The following DOK2 variants were observed in gnomAD, a reference collection of about 807,000 sequenced individuals.
DOK2 encodes docking protein 2, also known as docking protein 2, 56kD.
Under a neutral mutation model 26.0 loss-of-function variants are expected in DOK2, and 28 were observed. The ratio of observed to expected loss-of-function variants is 1.08; its 90% CI spans 0.80 to 1.48. DOK2 has a LOEUF of 1.48. Ranked by LOEUF, DOK2 falls within the 40% of genes most tolerant of loss-of-function variation. The pLI, the probability that DOK2 is intolerant of heterozygous loss-of-function variation, is 0.00. For synonymous variants in DOK2, 282 were observed against 236.9 expected (o/e 1.19, Z -1.75); for missense variants, 682 against 558.2 (o/e 1.22, Z -2.23).
At chr8:21,910,387 C>T (rs1424016922) in intron 4 of DOK2, among the ~76,000 whole-genome samples, 1 of 152,154 alleles carries the variant, frequency 6.6e-6, no homozygotes. Context: ...CCCCTACAGG[C>T]AGAGACTTGG....
In DOK2 at chr8:21,912,656, C is replaced by T. The variant is rs2117208970; in HGVS notation, c.64-146G>A. The T allele has an allele frequency of 6.6e-6, 5 of 755,242 alleles. No individual in the cohort carries two copies. The East Asian group carries it at 1.4e-4, about 21-fold the overall frequency. 46.8% of individuals were successfully genotyped at this position (755,242 alleles called of 1,614,324 possible). Reference sequence around the variant, plus strand: ...AGAGAGAGGTGAAGATCACATGAGACCCAGGGAGGCAGAGAAGAGGACAGT... The same window carrying T: ...AGAGAGAGGTGAAGATCACATGAGATCCAGGGAGGCAGAGAAGAGGACAGT... On this transcript the variant is annotated intron_variant, in intron 1 of 4. Transcript: ENST00000276420.
chr8:21,912,686 G>A lies in DOK2; in HGVS notation c.64-176C>T, dbSNP rs1243257037. On this transcript the variant is annotated intron_variant, in intron 1 of 4. Transcript: ENST00000276420. ...GGAGGCAGAGAAGAGGACAGTGACT[G>A]CAGGAATTAGAAAATCGGAGATCAG... 14 of 633,708 alleles carry A rather than the reference G, an allele frequency of 2.2e-5. No homozygotes were observed. The Admixed American group carries it at 4.6e-4, about 21-fold the overall frequency. 39.3% of individuals were successfully genotyped at this position (633,708 alleles called of 1,614,324 possible).
chr8:21,910,737 G>T lies in DOK2; in HGVS notation c.554C>A (p.Pro185His). The T allele has an allele frequency of 6.2e-7, 1 of 1,613,940 alleles. No individual in the cohort carries two copies. Among genetic ancestry groups the T allele is most frequent in the Non-Finnish European group, 8.5e-7 (1 of 1,180,002 alleles). The change falls in exon 4 of 5, where the codon CCC (proline) becomes CAC (histidine). Residue 185 changes from proline (P) to histidine (H), a missense_variant. Coordinates refer to ENST00000276420, the MANE Select transcript of DOK2 (RefSeq NM_003974.4). ...GTCGTACAGCTGGGTCCCTGGCTCG[G>T]GCCCACCCCACAGCTCCAGGGCACT... ...GESALELWGG[P>H]EPGTQLYDWP... is the part of the protein sequence containing the mutation.
Position 21,909,362 on chromosome 8 carries a change from C to T in DOK2, c.1188G>A (p.Trp396Ter), listed in dbSNP as rs1585395201. 6.4e-7 allele frequency: 1 copy of T among 1,574,450 alleles called. No homozygotes were observed. Among genetic ancestry groups the T allele is most frequent in the Non-Finnish European group, 8.6e-7 (1 of 1,159,896 alleles). ...PAGQDFSASG[W>*]QPGTEYDNVV... ...CATTGTCATACTCAGTTCCTGGCTG[C>T]CAGCCAGAAGCAGAGAAATCCTGCC... The change falls in exon 5 of 5, where the codon TGG (tryptophan) becomes TGA (stop). Residue 396 changes from tryptophan to a stop codon, truncating the protein, a stop_gained. Coordinates refer to ENST00000276420, the MANE Select transcript of DOK2 (RefSeq NM_003974.4). LOFTEE classifies it high-confidence loss of function.
In DOK2 at chr8:21,909,642, A is replaced by G; in HGVS notation, c.908T>C (p.Phe303Ser). 1 of 1,613,272 alleles carries G rather than the reference A, an allele frequency of 6.2e-7. No individual in the cohort carries two copies. Among genetic ancestry groups the G allele is most frequent in the Non-Finnish European group, 8.5e-7 (1 of 1,180,030 alleles). Residue 303 changes from phenylalanine (F) to serine (S), a missense_variant, in exon 5 of 5, where the codon TTC (phenylalanine) becomes TCC (serine). Transcript: ENST00000276420. ...CCCCAAGGAACGGGCCACCGCATCG[A>G]AGGGCACGGCATACTCCCCCTCCTG... ...RGQEGEYAVP[F>S]DAVARSLGKN...
At chr8:21,913,305 C>A (rs568373345) in intron 1 of DOK2, among the ~76,000 whole-genome samples, 1 of 152,206 alleles carries the variant, frequency 6.6e-6, no homozygotes, top group Non-Finnish European at 1.5e-5. Flanking sequence ...CCCCCACCCC[C>A]ACCCAGGGCA....
intron 4 of DOK2, among the ~76,000 whole-genome samples, chr8:21,910,371 T>C (rs1809791325): frequency 6.6e-6 from 1 of 152,140 alleles, no homozygotes; most frequent in Non-Finnish European, 1.5e-5. Flanking sequence ...CTGCCCTCTG[T>C]GCTTTCCCCT....
Position 21,912,325 on chromosome 8 carries a change from G to A in DOK2, c.249C>T (p.Ala83=). ...GEASSPRDTS[A]FFLETKERLY... Reference sequence around the variant, plus strand: ...GGCGCTCCTTGGTCTCCAGGAAGAAGGCACTGGTGTCCCGGGGGCTGCTGG... The same window carrying A: ...GGCGCTCCTTGGTCTCCAGGAAGAAAGCACTGGTGTCCCGGGGGCTGCTGG... Residue 83 remains alanine, a synonymous_variant, in exon 2 of 5, where the codon GCC becomes GCT. Coordinates refer to ENST00000276420, the MANE Select transcript of DOK2 (RefSeq NM_003974.4). 6.2e-7 allele frequency: 1 copy of A among 1,607,266 alleles called. No homozygotes were observed. Among genetic ancestry groups the A allele is most frequent in the South Asian group, 1.1e-5 (1 of 90,162 alleles).
Position 21,912,332 on chromosome 8 carries a change from G to A in DOK2, c.242C>T (p.Thr81Ile). ...AGGEASSPRD[T>I]SAFFLETKER... The stretch of plus-strand genomic sequence containing the variant: ...CTTGGTCTCCAGGAAGAAGGCACTG[G>A]TGTCCCGGGGGCTGCTGGCCTCTCC... The change falls in exon 2 of 5, where the codon ACC becomes ATC. Residue 81 changes from threonine to isoleucine, a missense_variant. Thr to Ile is a moderately conservative substitution (Grantham distance 89). Transcript: ENST00000276420. 6.2e-7 allele frequency: 1 copy of A among 1,607,634 alleles called. No individual in the cohort carries two copies. Among genetic ancestry groups the A allele is most frequent in the African/African-American group, 1.3e-5 (1 of 74,894 alleles).
intron 3 of DOK2, among the ~76,000 whole-genome samples, 191 bp downstream of exon 3, chr8:21,911,710 G>T (rs910238361): frequency 2.0e-5 from 3 of 152,176 alleles, no homozygotes; most frequent in Non-Finnish European, 2.9e-5. Flanking sequence ...GAGACTCAAG[G>T]CAGGGTAGGC....
chr8:21,911,635 C>T (rs1380342316), intron 3 of DOK2, among the ~76,000 whole-genome samples: 2 of 152,126 alleles, frequency 1.3e-5, no homozygotes, highest in Admixed American at 6.5e-5. Context: ...AGCACCCTCA[C>T]CTGGGCCCCC....
chr8:21,912,569 G>T lies in DOK2; in HGVS notation c.64-59C>A, dbSNP rs986408112. On this transcript the variant is annotated intron_variant, in intron 1 of 4. Coordinates refer to ENST00000276420, the MANE Select transcript of DOK2 (RefSeq NM_003974.4). ...GGAGCCACCCAGAGACGGGGAGATC[G>T]TGAGCCAAGGGGAGAAGAGGAACCG... 7.6e-6 allele frequency: 11 copies of T among 1,443,262 alleles called. No individual in the cohort carries two copies. In the East Asian group the frequency reaches 1.7e-4, roughly 23 times the overall value. 89.4% of individuals were successfully genotyped at this position (1,443,262 alleles called of 1,614,324 possible). A position where few individuals can be genotyped will look rare whatever the true frequency, so the allele number is the denominator to read the frequency against.
Position 21,909,412 on chromosome 8 carries a change from C to T in DOK2, c.1138G>A (p.Gly380Ser). 6.2e-7 allele frequency: 1 copy of T among 1,610,940 alleles called. No homozygotes were observed. Among genetic ancestry groups the T allele is most frequent in the Non-Finnish European group, 8.5e-7 (1 of 1,178,102 alleles). Residue 380 changes from glycine (G) to serine (S), a missense_variant, in exon 5 of 5, where the codon GGC becomes AGC. Physicochemically the swap from Gly to Ser is moderately conservative, Grantham distance 56 (BLOSUM62 0). Coordinates refer to ENST00000276420, the MANE Select transcript of DOK2 (RefSeq NM_003974.4). ...CCGGCTGGCTGGACATGCTGGAGGC[C>T]AGCAGGGTCCCTGTCAGCTGTCGCC... Reference protein sequence around the residue: ...RQATADRDPAGLQHVQPAGQD... With the variant: ...RQATADRDPASLQHVQPAGQD...
chr8:21,909,761 C>A lies in DOK2; in HGVS notation c.789G>T (p.Ser263=). 1 of 1,613,826 alleles carries A rather than the reference C, an allele frequency of 6.2e-7. No individual in the cohort carries two copies. The highest frequency in any genetic ancestry group is 8.5e-7 in the Non-Finnish European group (1 of 1,180,006). The part of the protein sequence containing the change: ...PQPQPATIPA[S]LPRPDSPYSR... ...AGTAGGGGCTATCAGGCCGGGGCAG[C>A]GACGCGGGGATTGTGGCTGGCTGCG... The change falls in exon 5 of 5, where the codon TCG becomes TCT. Residue 263 remains serine, a synonymous_variant. Coordinates refer to ENST00000276420, the MANE Select transcript of DOK2 (RefSeq NM_003974.4).
At chr8:21,911,574 C>G (rs1160453420) in intron 3 of DOK2, among the ~76,000 whole-genome samples, 2 of 152,182 alleles carry the variant, frequency 1.3e-5, no homozygotes, top group African/African-American at 4.8e-5. Context: ...TGCCATTGCA[C>G]TCCAGCCTGA....
In DOK2 at chr8:21,909,260, G is replaced by A; in HGVS notation, c.*51C>T. ...GTTCTTCTGATGCAGTGGCCAGGAGGAGTCACCAGCAGAAGCCAAGGGGCG... is the reference window on the plus strand; with the variant it reads ...GTTCTTCTGATGCAGTGGCCAGGAGAAGTCACCAGCAGAAGCCAAGGGGCG... On this transcript the variant is annotated 3_prime_UTR_variant, in exon 5 of 5. Transcript: ENST00000276420. The A allele has an allele frequency of 2.0e-6, 3 of 1,512,000 alleles. No homozygotes were observed. The highest frequency in any genetic ancestry group is 2.3e-5 in the Admixed American group (1 of 44,130). 93.7% of individuals were successfully genotyped at this position (1,512,000 alleles called of 1,614,324 possible). A position where few individuals can be genotyped will look rare whatever the true frequency, so the allele number is the denominator to read the frequency against.
rs369826309 is a variant in DOK2 at position 21,909,876 on chromosome 8, T to A, written c.674A>T (p.Glu225Val). Reference protein sequence around the residue: ...RRCVSGEGNFEFETRQGNEIF... With the variant: ...RRCVSGEGNFVFETRQGNEIF... ...CTCATTGCCTTGCCGGGTTTCGAACTCAAAGTTGCCCTCTCCAGAGACGCA... is the reference window on the plus strand; with the variant it reads ...CTCATTGCCTTGCCGGGTTTCGAACACAAAGTTGCCCTCTCCAGAGACGCA... Residue 225 changes from glutamate to valine, a missense_variant, in exon 5 of 5, where the codon GAG becomes GTG. Coordinates refer to ENST00000276420, the MANE Select transcript of DOK2 (RefSeq NM_003974.4). The A allele has an allele frequency of 1.1e-4, 184 of 1,613,492 alleles. No individual in the cohort carries two copies. Among genetic ancestry groups the A allele is most frequent in the Non-Finnish European group, 1.5e-4 (178 of 1,179,988 alleles).
At position 21,910,983 on chromosome 8, in the gene DOK2, C is replaced by T. The variant is rs1458835680; in HGVS notation, c.434-126G>A. 8 of 1,130,052 alleles carry T rather than the reference C, an allele frequency of 7.1e-6. No homozygotes were observed. The African/African-American group carries it at 1.3e-4, about 18-fold the overall frequency. The allele number at this position is 1,130,052 out of a possible 1,614,324, so 70.0% of individuals were successfully genotyped here. A position where few individuals can be genotyped will look rare whatever the true frequency, so the allele number is the denominator to read the frequency against. On this transcript the variant is annotated intron_variant, in intron 3 of 4. Transcript: ENST00000276420. ...GAAAGTATTATCCACACACTTATGG[C>T]CCCCTGCCTGGGTCTTGGAGGCTGA...
intron 3 of DOK2, chr8:21,911,101 C>T: frequency 3.8e-6 from 2 of 526,186 alleles, no homozygotes; most frequent in Non-Finnish European, 6.7e-6. Context: ...TCCACCCCAA[C>T]CTCGTGCCCA....
Sources: gnomAD v4.1 joint callset for allele counts (sites outside exome capture counted in the v4.1 genomes callset) on GRCh38, gnomAD v4.1.1 for gene constraint, MANE v1.5 for transcripts, NCBI Gene and HGNC (gene_info 2026-07-23, HGNC 2026-07-21) for gene names.